Variants in MTOR observed in about 807,000 individuals in gnomAD.
MTOR encodes the protein mechanistic target of rapamycin kinase, also known as serine/threonine-protein kinase mTOR.
Under a neutral mutation model 319.8 loss-of-function variants are expected in MTOR, and 70 were observed. That is an observed-to-expected ratio of 0.22 (90% CI 0.18 to 0.27). The LOEUF (loss-of-function observed/expected upper bound fraction) is 0.27, where lower values mean the gene tolerates loss of function less well. Ranked by LOEUF, MTOR falls within the 10% of genes least tolerant of loss-of-function variation. The pLI is 1.00. For synonymous variants in MTOR, 1,183 were observed against 1,211.4 expected, an observed-to-expected ratio of 0.98 and a Z score of 0.49; for missense variants, 1,890 against 3,274.4, an observed-to-expected ratio of 0.58 and a Z score of 10.32.
Position 11,172,856 on chromosome 1 carries a change from CTGTCT to C in MTOR, c.4254-5344_4254-5340del, listed in dbSNP as rs1644865276. 5.0e-5 allele frequency among the ~76,000 whole-genome samples: 4 copies of C among 80,072 alleles called. No homozygotes were observed. In the South Asian group the frequency reaches 2.1e-3, roughly 43 times the overall value. The allele number at this position is 80,072 out of a possible 152,430, so 52.5% of individuals were successfully genotyped here. A position where few individuals can be genotyped will look rare whatever the true frequency, so the allele number is the denominator to read the frequency against. ...CAGCCTGAGCGAAAAAAGCAAGACT[CTGTCT>C]CAAAAAAAAAAAAAAAAATTACAAC... is the stretch of plus-strand genomic sequence containing the variant. On this transcript the variant is annotated intron_variant, in intron 28 of 57. Transcript: ENST00000361445.
At position 11,128,821 on chromosome 1, in the gene MTOR, G is replaced by A. The variant is rs1239907089; in HGVS notation, c.5811+34C>T. On this transcript the variant is annotated intron_variant, in intron 41 of 57. Coordinates refer to ENST00000361445, the MANE Select transcript of MTOR (RefSeq NM_004958.4). This position sits in a 1 kb window ranked among gnomAD's most constrained non-coding sequence, Gnocchi z 5.3. ...GAGGAGACACACAGAAGAGAGACTT[G>A]GAGCCACCTTCACCTGTAACCAAGT... 3 of 1,559,694 alleles carry A rather than the reference G, an allele frequency of 1.9e-6. No homozygotes were observed. Among genetic ancestry groups the A allele is most frequent in the Non-Finnish European group, 2.6e-6 (3 of 1,133,108 alleles).
At chr1:11,117,487 C>G (rs1642231947) in intron 49 of MTOR, among the ~76,000 whole-genome samples, 1 of 152,154 alleles carries the variant, frequency 6.6e-6, no homozygotes, top group Non-Finnish European at 1.5e-5. Context: ...TACAGTCCAT[C>G]AATAACTGGT....
At chr1:11,144,929 G>A (rs1643883451) in intron 33 of MTOR, 39 bp downstream of exon 33, 3 of 1,602,826 alleles carry the variant, frequency 1.9e-6, no homozygotes, top group Non-Finnish European at 1.7e-6. Context: ...ATGGAAATAA[G>A]CCTCAAAAAT....
chr1:11,244,306 A>AAAAG (rs1291239692), intron 8 of MTOR, among the ~76,000 whole-genome samples: 1 of 149,428 alleles, frequency 6.7e-6, no homozygotes, highest in Non-Finnish European at 1.5e-5. Context: ...TAAAAAAAAA[A>AAAAG]AAAAAAAAAA....
At chr1:11,150,025 G>A in intron 31 of MTOR, 101 bp downstream of exon 31, 1 of 969,898 alleles carries the variant, frequency 1.0e-6, no homozygotes. Flanking sequence ...CCCTTCCATA[G>A]ACCTGGATCT....
intron 30 of MTOR, among the ~76,000 whole-genome samples, chr1:11,155,895 C>G (rs569623681): frequency 5.9e-5 from 9 of 152,314 alleles, no homozygotes; most frequent in East Asian, 5.8e-4. Flanking sequence ...AATGAAGGAA[C>G]AGTGGACCCT....
At chr1:11,153,457 C>T (rs1644215681) in intron 30 of MTOR, among the ~76,000 whole-genome samples, 1 of 152,190 alleles carries the variant, frequency 6.6e-6, no homozygotes, top group Admixed American at 6.5e-5. Context: ...AACAGTGAAA[C>T]ATTGCAGTAT....
rs1647505780 is a variant in MTOR, at chr1:11,238,484, A to G, written c.1920T>C (p.His640=). 6.2e-7 allele frequency: 1 copy of G among 1,614,230 alleles called. No individual in the cohort carries two copies. The highest frequency in any genetic ancestry group is 8.5e-7 in the Non-Finnish European group (1 of 1,180,038). The change falls in exon 12 of 58, where the codon CAT becomes CAC. Residue 640 remains histidine, a synonymous_variant. Transcript: ENST00000361445. ...CTGCGGTCTGGCTAACCACATGAGC[A>G]TGGCCACTGATGAGGTGGATGGAGG... ...LTPSIHLISG[H]AHVVSQTAVQ...
At chr1:11,140,374 C>G (rs890069061) in intron 34 of MTOR, among the ~76,000 whole-genome samples, 3 of 152,160 alleles carry the variant, frequency 2.0e-5, no homozygotes, top group Non-Finnish European at 4.4e-5. Flanking sequence ...AAGGAGCATG[C>G]AACCTGGATC....
chr1:11,190,179 T>G (rs771919549), intron 28 of MTOR, among the ~76,000 whole-genome samples: 13 of 152,242 alleles, frequency 8.5e-5, no homozygotes, highest in Non-Finnish European at 1.2e-4. Flanking sequence ...CCTACCATCT[T>G]GGAGTGCTGA....
In MTOR at chr1:11,199,119, T is replaced by G. The variant is rs1415002588; in HGVS notation, c.4253+139A>C. 1.9e-6 allele frequency: 2 copies of G among 1,063,852 alleles called. No individual in the cohort carries two copies. The highest frequency in any genetic ancestry group is 2.7e-6 in the Non-Finnish European group (2 of 728,434). The allele number at this position is 1,063,852 out of a possible 1,614,324, so 65.9% of individuals were successfully genotyped here. ...AGAGCCATCTGCAACAACATGTCATTTAAACATGCTGGCCAGACCCAGAGG... is the reference window on the plus strand; with the variant it reads ...AGAGCCATCTGCAACAACATGTCATGTAAACATGCTGGCCAGACCCAGAGG... On this transcript the variant is annotated intron_variant, in intron 28 of 57. Coordinates refer to ENST00000361445, the MANE Select transcript of MTOR (RefSeq NM_004958.4). This position sits in a 1 kb window ranked among gnomAD's most constrained non-coding sequence, Gnocchi z 4.5.
intron 28 of MTOR, chr1:11,193,833 C>T: frequency 6.5e-7 from 1 of 1,534,302 alleles, no homozygotes; most frequent in Admixed American, 1.8e-5. Context: ...TGACCGCGTA[C>T]AACTCCGGGG....
At chr1:11,144,839 G>T in intron 33 of MTOR, 84 bp from the exon 34 acceptor site, 1 of 1,526,352 alleles carries the variant, frequency 6.6e-7, no homozygotes, top group Non-Finnish European at 9.0e-7. Flanking sequence ...TCCTTCTGGT[G>T]TCAGGGTATC....
At chr1:11,150,925 G>A (rs1571001982) in intron 30 of MTOR, among the ~76,000 whole-genome samples, 1 of 152,080 alleles carries the variant, frequency 6.6e-6, no homozygotes, top group East Asian at 1.9e-4. Flanking sequence ...AAATAAACTC[G>A]GCTATTATGC....
intron 26 of MTOR, among the ~76,000 whole-genome samples, chr1:11,202,825 T>C (rs559436615): frequency 3.6e-4 from 55 of 152,166 alleles, no homozygotes; most frequent in African/African-American, 1.3e-3. Context: ...GGAGGATCAC[T>C]TGAGCCCAGG....
At chr1:11,137,059 CT>C (rs1359679992) in intron 36 of MTOR, among the ~76,000 whole-genome samples, 1 of 149,464 alleles carries the variant, frequency 6.7e-6, no homozygotes, top group Non-Finnish European at 1.5e-5. Context: ...CCAGGCTGGT[CT>C]CAAACTCCTG....
At chr1:11,175,257 A>G (rs1644946506) in intron 28 of MTOR, among the ~76,000 whole-genome samples, 1 of 152,218 alleles carries the variant, frequency 6.6e-6, no homozygotes, top group Non-Finnish European at 1.5e-5. Flanking sequence ...CGTTAGGAAG[A>G]CAACGAAGAC....
chr1:11,124,551 G>A lies in MTOR; in HGVS notation c.6609C>T (p.Gly2203=), dbSNP rs2100381829. The part of the protein sequence containing the change: ...RQDERVMQLF[G]LVNTLLANDP... Reference sequence around the variant, plus strand: ...CATTGGCCAGAAGGGTGTTAACCAGGCCGAAGAGCTGCATCACACGCTCAT... The same window carrying A: ...CATTGGCCAGAAGGGTGTTAACCAGACCGAAGAGCTGCATCACACGCTCAT... Residue 2203 remains glycine, a synonymous_variant, in exon 47 of 58, where the codon GGC becomes GGT. Transcript: ENST00000361445. The A allele has an allele frequency of 1.9e-6, 3 of 1,612,766 alleles. No homozygotes were observed. Among genetic ancestry groups the A allele is most frequent in the Non-Finnish European group, 2.5e-6 (3 of 1,178,782 alleles).
rs2000393 is a variant in MTOR, at chr1:11,115,119, T to C, written c.7090-232A>G. Among the ~76,000 whole-genome samples, 867 of 151,174 alleles carry C rather than the reference T, an allele frequency of 5.7e-3. 53 individuals are homozygous for C. In the East Asian group the frequency reaches 0.14, roughly 24 times the overall value. ...GAAAACAAAAAGGAAAAAAGACAAA[T>C]GTGCATCGTGTCCAGGCTCTTGGGC... On this transcript the variant is annotated intron_variant, in intron 51 of 57. Coordinates refer to ENST00000361445, the MANE Select transcript of MTOR (RefSeq NM_004958.4). This position sits in a 1 kb window ranked among gnomAD's most constrained non-coding sequence, Gnocchi z 4.5.
Sources: gnomAD v4.1 joint callset for allele counts (sites outside exome capture counted in the v4.1 genomes callset) on GRCh38, gnomAD v4.1.1 for gene constraint, Gnocchi (gnomAD v3.1) non-coding constraint, MANE v1.5 for transcripts, NCBI Gene and HGNC (gene_info 2026-07-23, HGNC 2026-07-21) for gene names.